RP1: variants seen among roughly 807,000 people sequenced by gnomAD.
The protein encoded by RP1 is RP1 axonemal microtubule associated.
RP1 carries 16 observed loss-of-function variants against 14.8 expected under a neutral mutation model. That is an observed-to-expected ratio of 1.08 (90% confidence interval 0.73 to 1.65). The LOEUF is 1.65. Among genes scored for constraint, RP1 ranks in the 40% most tolerant of loss-of-function variants. The pLI is 0.00. For missense variants in RP1, 2,631 were observed against 2,535.0 expected, an observed-to-expected ratio of 1.04 and a Z score of -0.81; for synonymous variants, 876 against 883.6, an observed-to-expected ratio of 0.99 and a Z score of 0.15.
intron 17 of RP1, among the ~76,000 whole-genome samples, chr8:54,730,764 A>G (rs1299348189): frequency 6.6e-6 from 1 of 152,082 alleles, no homozygotes; most frequent in East Asian, 1.9e-4. Context: ...AGTTATCTCT[A>G]CCAGCTTTGT....
At chr8:54,577,766 TG>T (rs1804693308) in intron 1 of RP1, among the ~76,000 whole-genome samples, 3 of 152,134 alleles carry the variant, frequency 2.0e-5, no homozygotes. Context: ...CTCACGGAGC[TG>T]GAAAGCGTAC....
At chr8:54,767,363 T>TC in intron 22 of RP1, among the ~76,000 whole-genome samples, 1 of 143,032 alleles carries the variant, frequency 7.0e-6, no homozygotes, top group Middle Eastern at 3.8e-3. Context: ...TCTGTATTCT[T>TC]TTTTTTTTTT....
intron 24 of RP1, among the ~76,000 whole-genome samples, chr8:54,831,433 A>G (rs1317820091): frequency 7.9e-5 from 7 of 88,156 alleles, no homozygotes; most frequent in African/African-American, 2.8e-4. Context: ...ATTCAATAGT[A>G]TCTTCTCCTT....
intron 23 of RP1, among the ~76,000 whole-genome samples, chr8:54,775,034 A>AC (rs1287663806): frequency 1.3e-5 from 2 of 151,826 alleles, no homozygotes; most frequent in Non-Finnish European, 2.9e-5. Flanking sequence ...GGTTCTACTC[A>AC]CCCACTGGAT....
intron 1 of RP1, among the ~76,000 whole-genome samples, chr8:54,607,795 G>A (rs1198694291): frequency 2.0e-5 from 3 of 152,194 alleles, no homozygotes; most frequent in Non-Finnish European, 4.4e-5. Context: ...ATCTCAGACT[G>A]CTGTGCTAGC....
In RP1 at chr8:54,626,512, T is replaced by G. The variant is rs1404008177; in HGVS notation, c.2630T>G (p.Val877Gly). Reference sequence around the variant, plus strand: ...CAGAAAAAACGTAAAGGGGATAAAGTGAAAGCAAGTGCTATTTTAAGTAAA... The same window carrying G: ...CAGAAAAAACGTAAAGGGGATAAAGGGAAAGCAAGTGCTATTTTAAGTAAA... ...KSQKKRKGDK[V>G]KASAILSKQH... The change falls in exon 4 of 4, where the codon GTG (valine) becomes GGG (glycine). Residue 877 changes from valine (V) to glycine (G), a missense_variant. Transcript: ENST00000220676. The G allele has an allele frequency of 1.2e-6, 2 of 1,613,756 alleles. No individual in the cohort carries two copies. Among genetic ancestry groups the G allele is most frequent in the South Asian group, 2.2e-5 (2 of 91,066 alleles).
Position 54,734,543 on chromosome 8 carries a change from A to G in RP1, c.2522-2A>G. ...TGCCACTAATGCTTTTTTCCCCCAT[A>G]GAAGAAATCAGACATTTCCAAAGTA... On this transcript the variant is annotated splice_acceptor_variant, in intron 17 of 22. Transcript: ENST00000636932. LOFTEE classifies it high-confidence loss of function. The G allele has an allele frequency of 2.6e-6, 4 of 1,531,646 alleles. No homozygotes were observed. The highest frequency in any genetic ancestry group is 2.6e-6 in the Non-Finnish European group (3 of 1,144,684). The allele number at this position is 1,531,646 out of a possible 1,614,324, so 94.9% of individuals were successfully genotyped here.
At chr8:54,834,086 G>T (rs2055807) in intron 24 of RP1, among the ~76,000 whole-genome samples, 46,089 of 151,838 alleles carry the variant, frequency 0.3, 7,202 homozygotes, top group South Asian at 0.37. Context: ...GTCTAGTGGG[G>T]AATGCTAAAA....
At chr8:54,696,660 C>A (rs1002375157) in intron 12 of RP1, 2 of 820,316 alleles carry the variant, frequency 2.4e-6, no homozygotes, top group African/African-American at 1.7e-5. Flanking sequence ...CATTCCTTGG[C>A]CTTTGTTGTA....
chr8:54,565,479 C>T (rs929470817), intron 1 of RP1, among the ~76,000 whole-genome samples: 4 of 152,276 alleles, frequency 2.6e-5, no homozygotes, highest in South Asian at 2.1e-4. Flanking sequence ...GCAGGAGAAT[C>T]GCTTGAACCC....
chr8:54,738,382 C>T (rs1808990431), intron 18 of RP1, among the ~76,000 whole-genome samples: 1 of 152,148 alleles, frequency 6.6e-6, no homozygotes, highest in Non-Finnish European at 1.5e-5. Context: ...TCTTGGGCCA[C>T]ATCAAAAACT....
intron 24 of RP1, among the ~76,000 whole-genome samples, chr8:54,814,743 G>A (rs148666298): frequency 0.012 from 1,844 of 152,304 alleles, 14 homozygotes; most frequent in Non-Finnish European, 0.019. Context: ...CTTCTTTGGA[G>A]AGGTTTGCTG....
At chr8:54,576,993 A>G (rs1448642374) in intron 1 of RP1, among the ~76,000 whole-genome samples, 1 of 152,158 alleles carries the variant, frequency 6.6e-6, no homozygotes. Context: ...GTATTATTCT[A>G]AGAATGTATA....
At chr8:54,688,090 G>C (rs946218928) in intron 12 of RP1, among the ~76,000 whole-genome samples, 24 of 152,054 alleles carry the variant, frequency 1.6e-4, no homozygotes, top group African/African-American at 5.8e-4. Context: ...TCACATGTTT[G>C]TTGGCTGCAT....
intron 19 of RP1, among the ~76,000 whole-genome samples, chr8:54,745,739 A>G (rs1003502221): frequency 2.6e-5 from 4 of 151,542 alleles, no homozygotes. Flanking sequence ...TGCATGTTTC[A>G]GTGAAAAAAT....
intron 19 of RP1, among the ~76,000 whole-genome samples, chr8:54,741,553 G>T (rs1809085951): frequency 6.6e-6 from 1 of 151,452 alleles, no homozygotes; most frequent in Non-Finnish European, 1.5e-5. Flanking sequence ...CTAGGTTTGT[G>T]TAAGTGCACT....
intron 24 of RP1, among the ~76,000 whole-genome samples, chr8:54,829,909 C>T (rs934966599): frequency 6.6e-6 from 1 of 152,000 alleles, no homozygotes; most frequent in Non-Finnish European, 1.5e-5. Context: ...CTCCCATAAA[C>T]CAGTATAAAT....
chr8:54,812,811 C>CTATCTATCTA (rs1563383947), intron 24 of RP1, among the ~76,000 whole-genome samples: 4 of 113,350 alleles, frequency 3.5e-5, no homozygotes, highest in African/African-American at 1.3e-4. Context: ...CTATCTATCT[C>CTATCTATCTA]TCCGTCTTCT....
intron 16 of RP1, among the ~76,000 whole-genome samples, chr8:54,724,565 A>G (rs1808608834): frequency 6.6e-6 from 1 of 152,090 alleles, no homozygotes. Context: ...ATTGCTAGTG[A>G]TACAGTTTTC....
Sources: gnomAD v4.1 joint callset for allele counts (sites outside exome capture counted in the v4.1 genomes callset) on GRCh38, gnomAD v4.1.1 for gene constraint, MANE v1.5 for transcripts, NCBI Gene and HGNC (gene_info 2026-07-23, HGNC 2026-07-21) for gene names.